The following AP3B1 variants were observed in gnomAD, a reference collection of about 807,000 sequenced individuals.
AP3B1 encodes the protein adaptor related protein complex 3 subunit beta 1, also known as AP-3 complex subunit beta-1.
AP3B1 carries 61 observed loss-of-function variants against 132.5 expected under a neutral mutation model. That is an observed-to-expected ratio of 0.46 (90% CI 0.37 to 0.57). AP3B1 has a LOEUF of 0.57. Among genes scored for constraint, AP3B1 ranks in the 20% least tolerant of loss-of-function variants. AP3B1 has a pLI of 0.00. For synonymous variants in AP3B1, 388 were observed against 438.3 expected (o/e 0.89, Z 1.43); for missense variants, 1,120 against 1,289.4 (o/e 0.87, Z 2.01).
intron 12 of AP3B1, among the ~76,000 whole-genome samples, chr5:78,164,383 C>A (rs1304290407): frequency 6.6e-6 from 1 of 151,986 alleles, no homozygotes; most frequent in Non-Finnish European, 1.5e-5. Context: ...TGAAACAGGT[C>A]TAGTATGTGC....
intron 1 of AP3B1, among the ~76,000 whole-genome samples, chr5:78,278,837 C>T (rs149315807): frequency 1.6e-3 from 242 of 152,102 alleles, no homozygotes; most frequent in Middle Eastern, 3.4e-3. Context: ...GGAGTGCAAA[C>T]CCTCTTGTAA....
At chr5:78,113,627 T>C (rs1580361240) in intron 19 of AP3B1, 125 bp downstream of exon 19, 1 of 1,082,084 alleles carries the variant, frequency 9.2e-7, no homozygotes, top group Admixed American at 2.1e-5. Flanking sequence ...TTAAAAAGAT[T>C]TAATATCTGG....
At chr5:78,248,081 T>C (rs1747452239) in intron 2 of AP3B1, among the ~76,000 whole-genome samples, 1 of 152,198 alleles carries the variant, frequency 6.6e-6, no homozygotes, top group African/African-American at 2.4e-5. Context: ...CAGCATATCT[T>C]TAACTTATCG....
chr5:78,153,456 T>C (rs1742981530), intron 14 of AP3B1, among the ~76,000 whole-genome samples: 1 of 152,074 alleles, frequency 6.6e-6, no homozygotes, highest in African/African-American at 2.4e-5. Flanking sequence ...ATAGGTGAAG[T>C]GTGCTTCTTG....
At chr5:78,274,891 A>G (rs1748706595) in intron 1 of AP3B1, among the ~76,000 whole-genome samples, 1 of 151,614 alleles carries the variant, frequency 6.6e-6, no homozygotes, top group African/African-American at 2.4e-5. Context: ...ACACCACTGC[A>G]CTCAGCCTGG....
At chr5:78,170,877 A>C (rs2112390170) in intron 11 of AP3B1, among the ~76,000 whole-genome samples, 1 of 152,282 alleles carries the variant, frequency 6.6e-6, no homozygotes, top group African/African-American at 2.4e-5. Flanking sequence ...TCTAACATTT[A>C]AGTCTTTAAT....
intron 2 of AP3B1, among the ~76,000 whole-genome samples, chr5:78,245,192 A>G (rs1747326371): frequency 6.6e-6 from 1 of 152,184 alleles, no homozygotes; most frequent in Non-Finnish European, 1.5e-5. Context: ...ATTGAGTACA[A>G]TCACTTAGAT....
intron 2 of AP3B1, among the ~76,000 whole-genome samples, chr5:78,255,971 A>C (rs1747829734): frequency 6.6e-6 from 1 of 152,128 alleles, no homozygotes. Flanking sequence ...GAAATTAAAC[A>C]ATATGCTCCT....
At chr5:78,258,083 C>T (rs1747923358) in intron 2 of AP3B1, among the ~76,000 whole-genome samples, 1 of 152,170 alleles carries the variant, frequency 6.6e-6, no homozygotes, top group Non-Finnish European at 1.5e-5. Context: ...GGGAAAATCT[C>T]CAGGACATTG....
intron 3 of AP3B1, among the ~76,000 whole-genome samples, chr5:78,233,839 G>T (rs1258284289): frequency 1.5e-5 from 1 of 67,700 alleles, no homozygotes; most frequent in Non-Finnish European, 3.3e-5. Context: ...ATGCAAACAG[G>T]GGCATGTTCC....
chr5:78,141,046 T>C, intron 15 of AP3B1, 97 bp downstream of exon 15: 2 of 1,130,490 alleles, frequency 1.8e-6, no homozygotes, highest in South Asian at 1.3e-5. Flanking sequence ...TAGAAATTGT[T>C]GAATGGTCAG....
intron 21 of AP3B1, among the ~76,000 whole-genome samples, chr5:78,099,959 A>G (rs1173835943): frequency 6.6e-6 from 1 of 151,826 alleles, no homozygotes; most frequent in Non-Finnish European, 1.5e-5. Context: ...TGCTAAAATG[A>G]CTCCAAAGAG....
chr5:78,158,564 G>A (rs1026338456), intron 13 of AP3B1, among the ~76,000 whole-genome samples: 1 of 151,982 alleles, frequency 6.6e-6, no homozygotes, highest in Non-Finnish European at 1.5e-5. Context: ...TGTAAAGTAG[G>A]TACCTTATTA....
At chr5:78,054,269 G>A (rs577613111) in intron 22 of AP3B1, among the ~76,000 whole-genome samples, 1 of 152,280 alleles carries the variant, frequency 6.6e-6, no homozygotes, top group East Asian at 1.9e-4. Flanking sequence ...TTATGAATAT[G>A]AACACTGCAG....
chr5:78,210,544 G>A (rs1033248684), intron 7 of AP3B1, among the ~76,000 whole-genome samples: 1 of 152,000 alleles, frequency 6.6e-6, no homozygotes, highest in Non-Finnish European at 1.5e-5. Context: ...TTTTAAACTG[G>A]CATAAATACT....
At position 78,240,853 on chromosome 5, in the gene AP3B1, A is replaced by C. The variant is rs779423821; in HGVS notation, c.279+9T>G. 6.3e-7 allele frequency: 1 copy of C among 1,590,934 alleles called. No homozygotes were observed. The highest frequency in any genetic ancestry group is 1.3e-5 in the African/African-American group (1 of 74,416). The stretch of plus-strand genomic sequence containing the variant: ...AAGGAATCATAAAAATTATAGATCA[A>C]AACAGTACCTCAATATTTTTACTGG... On this transcript the variant is annotated intron_variant, in intron 3 of 26. Transcript: ENST00000255194.
At chr5:78,172,067 C>A (rs1743942208) in intron 11 of AP3B1, among the ~76,000 whole-genome samples, 1 of 152,180 alleles carries the variant, frequency 6.6e-6, no homozygotes, top group Non-Finnish European at 1.5e-5. Context: ...GTTGAACCAG[C>A]CTTGCATCCC....
chr5:78,213,312 CA>C (rs919141053), intron 7 of AP3B1, among the ~76,000 whole-genome samples: 29 of 152,296 alleles, frequency 1.9e-4, no homozygotes, highest in Admixed American at 6.5e-4. Context: ...CTCAGTAAAA[CA>C]AAATCATAAT....
chr5:78,289,063 GTAGGTCAAATATAATGCGT>G (rs1230270905), intron 1 of AP3B1, among the ~76,000 whole-genome samples: 1 of 152,030 alleles, frequency 6.6e-6, no homozygotes, highest in Non-Finnish European at 1.5e-5. Flanking sequence ...ACTCTTTGAG[GTAGGTCAAATATAATGCGT>G]TACTATTAAT....
Sources: gnomAD v4.1 joint callset for allele counts (sites outside exome capture counted in the v4.1 genomes callset) on GRCh38, gnomAD v4.1.1 for gene constraint, MANE v1.5 for transcripts, NCBI Gene and HGNC (gene_info 2026-07-23, HGNC 2026-07-21) for gene names.